The following HMG20A variants were observed in gnomAD, a reference collection of about 807,000 sequenced individuals.
HMG20A encodes the protein high mobility group protein 20A.
A neutral mutation model predicts 43.9 loss-of-function variants in HMG20A; 17 were observed. The ratio of observed to expected loss-of-function variants is 0.39; its 90% CI spans 0.27 to 0.58. The LOEUF (loss-of-function observed/expected upper bound fraction) is 0.58, where lower values mean the gene tolerates loss of function less well. Ranked by LOEUF, HMG20A falls within the 20% of genes least tolerant of loss-of-function variation. HMG20A has a pLI of 0.59. For synonymous variants in HMG20A, 132 were observed against 147.5 expected, an observed-to-expected ratio of 0.89 and a Z score of 0.76; for missense variants, 341 against 438.2, an observed-to-expected ratio of 0.78 and a Z score of 1.98.
chr15:77,423,581 C>T (rs2073393528), intron 1 of HMG20A, among the ~76,000 whole-genome samples: 1 of 152,046 alleles, frequency 6.6e-6, no homozygotes, highest in South Asian at 2.1e-4. Context: ...TAACCATTTT[C>T]TTTTCCAAAG....
intron 1 of HMG20A, among the ~76,000 whole-genome samples, chr15:77,451,502 T>C (rs1269060426): frequency 6.6e-6 from 1 of 152,216 alleles, no homozygotes; most frequent in African/African-American, 2.4e-5. Context: ...TTTGCAGTTA[T>C]AGTTGGCCCT....
At chr15:77,443,039 T>G (rs2073630044) in intron 1 of HMG20A, among the ~76,000 whole-genome samples, 1 of 148,074 alleles carries the variant, frequency 6.8e-6, no homozygotes, top group African/African-American at 2.5e-5. Flanking sequence ...TTTTTTTTTT[T>G]TTTTTTTTTT....
chr15:77,517,171 CT>C, the HMG20A span, among the ~76,000 whole-genome samples: 1 of 152,226 alleles, frequency 6.6e-6, no homozygotes, highest in African/African-American at 2.4e-5. Flanking sequence ...ATCACTTAGC[CT>C]ACTCCCATCC....
chr15:77,436,313 A>G (rs2073547654), intron 1 of HMG20A, among the ~76,000 whole-genome samples: 2 of 151,996 alleles, frequency 1.3e-5, no homozygotes, highest in Admixed American at 6.6e-5. Flanking sequence ...TATTGATTCT[A>G]CCTCCTAAAT....
intron 4 of HMG20A, among the ~76,000 whole-genome samples, chr15:77,468,199 A>G (rs891683517): frequency 2.6e-5 from 4 of 152,222 alleles, no homozygotes; most frequent in African/African-American, 9.6e-5. Context: ...GCGCTACTGT[A>G]TAAAAGGATA....
the HMG20A span, among the ~76,000 whole-genome samples, chr15:77,505,912 C>G: frequency 6.6e-6 from 1 of 152,136 alleles, no homozygotes; most frequent in Non-Finnish European, 1.5e-5. Context: ...TTTCAAAATG[C>G]AACCATTCCA....
chr15:77,481,610 T>C (rs1338224370), intron 9 of HMG20A, among the ~76,000 whole-genome samples: 2 of 152,230 alleles, frequency 1.3e-5, no homozygotes, highest in Non-Finnish European at 2.9e-5. Context: ...GTATAAACTA[T>C]ATTATTTGTT....
intron 1 of HMG20A, among the ~76,000 whole-genome samples, chr15:77,424,284 A>G (rs1388942532): frequency 1.3e-5 from 2 of 152,196 alleles, no homozygotes; most frequent in East Asian, 3.8e-4. Context: ...TACATGTATC[A>G]TTTTCCTACC....
At chr15:77,511,258 T>C in the HMG20A span, among the ~76,000 whole-genome samples, 1 of 150,386 alleles carries the variant, frequency 6.6e-6, no homozygotes, top group Non-Finnish European at 1.5e-5. Flanking sequence ...GATCTAGAAA[T>C]AAATATAAAT....
At chr15:77,489,728 C>T (rs1023578533), downstream of HMG20A, among the ~76,000 whole-genome samples, 79 of 152,190 alleles carry the variant, frequency 5.2e-4, no homozygotes, top group African/African-American at 1.8e-3. Context: ...GGAGCCAGCC[C>T]GGTGAAGGGC....
At chr15:77,433,204 C>T (rs1284740333) in intron 1 of HMG20A, among the ~76,000 whole-genome samples, 1 of 151,732 alleles carries the variant, frequency 6.6e-6, no homozygotes, top group Non-Finnish European at 1.5e-5. Context: ...AAAAATTAAC[C>T]GGGCATGATA....
At chr15:77,516,106 A>C in the HMG20A span, among the ~76,000 whole-genome samples, 1 of 152,196 alleles carries the variant, frequency 6.6e-6, no homozygotes, top group Non-Finnish European at 1.5e-5. Flanking sequence ...GCAAGGTATA[A>C]ATACTGCTCG....
At chr15:77,454,543 CA>C (rs1407847296) in intron 1 of HMG20A, among the ~76,000 whole-genome samples, 1 of 152,076 alleles carries the variant, frequency 6.6e-6, no homozygotes, top group Non-Finnish European at 1.5e-5. Context: ...TAAGAACATA[CA>C]AAGTGATTAC....
In HMG20A at chr15:77,484,366, G is replaced by A. The variant is rs184571856; in HGVS notation, c.*1403G>A. On this transcript the variant is annotated 3_prime_UTR_variant, in exon 10 of 10. Transcript: ENST00000336216. Reference sequence around the variant, plus strand: ...TTGTTTTGACACTGCAGAGCACAAGGCTAAAGGTTACAGCTGAGATCTTTG... The same window carrying A: ...TTGTTTTGACACTGCAGAGCACAAGACTAAAGGTTACAGCTGAGATCTTTG... 6.6e-6 allele frequency: 1 copy of A among 152,606 alleles called. No individual in the cohort carries two copies. Among genetic ancestry groups the A allele is most frequent in the African/African-American group, 2.4e-5 (1 of 41,432 alleles). The allele number at this position is 152,606 out of a possible 1,614,324, so 9.5% of individuals were successfully genotyped here.
intron 1 of HMG20A, among the ~76,000 whole-genome samples, chr15:77,434,845 G>A (rs2142282423): frequency 6.6e-6 from 1 of 152,178 alleles, no homozygotes; most frequent in East Asian, 1.9e-4. Flanking sequence ...ATATTCCAAA[G>A]GTGATCATAC....
At chr15:77,462,838 T>C (rs532207658) in intron 2 of HMG20A, among the ~76,000 whole-genome samples, 7 of 151,070 alleles carry the variant, frequency 4.6e-5, no homozygotes, top group African/African-American at 1.7e-4. Context: ...AGTGGCATGA[T>C]CTTAGTTCAC....
chr15:77,480,844 C>T (rs553020253), intron 9 of HMG20A, among the ~76,000 whole-genome samples: 3 of 151,748 alleles, frequency 2.0e-5, no homozygotes, highest in Non-Finnish European at 2.9e-5. Flanking sequence ...TTTACTATGC[C>T]ATCCCACAAA....
At chr15:77,421,592 A>T (rs1316602075) in intron 1 of HMG20A, among the ~76,000 whole-genome samples, 3 of 152,218 alleles carry the variant, frequency 2.0e-5, no homozygotes, top group African/African-American at 7.2e-5. Flanking sequence ...GCAACAGGAA[A>T]TCTAGCTTCT....
At chr15:77,426,237 A>G (rs2073426244) in intron 1 of HMG20A, among the ~76,000 whole-genome samples, 1 of 152,160 alleles carries the variant, frequency 6.6e-6, no homozygotes, top group African/African-American at 2.4e-5. Context: ...CACCTGAACA[A>G]TGAGGGGGTT....
Sources: allele counts gnomAD v4.1 joint callset (sites outside exome capture counted in the v4.1 genomes callset), GRCh38; gene constraint gnomAD v4.1.1; transcripts MANE v1.5; gene names NCBI Gene and HGNC (gene_info 2026-07-23, HGNC 2026-07-21).